Variants in KMT5A observed in about 807,000 individuals in gnomAD.
KMT5A encodes the protein N-lysine methyltransferase KMT5A.
A neutral mutation model predicts 40.6 loss-of-function variants in KMT5A; 6 were observed. The ratio of observed to expected loss-of-function variants is 0.15; its 90% CI spans 0.08 to 0.29. The LOEUF (loss-of-function observed/expected upper bound fraction) is 0.29. KMT5A is among the 10% of genes least tolerant of loss of function. The pLI, the probability that KMT5A is intolerant of heterozygous loss-of-function variation, is 1.00. For synonymous variants in KMT5A, 153 were observed against 178.8 expected (o/e 0.86, Z 1.15); for missense variants, 308 against 459.1 (o/e 0.67, Z 3.01).
chr12:123,396,224 T>C (rs1593464430), intron 4 of KMT5A, 121 bp from the exon 5 acceptor site: 2 of 846,452 alleles, frequency 2.4e-6, no homozygotes, highest in Admixed American at 2.2e-5. Context: ...TGGACAAAGG[T>C]GTTTAAGTGA....
intron 1 of KMT5A, chr12:123,389,152 G>A (rs1323854754): frequency 3.4e-4 from 2 of 5,914 alleles, no homozygotes; most frequent in Non-Finnish European, 7.3e-4. Flanking sequence ...AGGGCGCGGG[G>A]CGCGCCGCCA....
intron 7 of KMT5A, among the ~76,000 whole-genome samples, chr12:123,405,892 T>G (rs1878514825): frequency 6.6e-6 from 1 of 151,942 alleles, no homozygotes. Flanking sequence ...CAATCTTGGC[T>G]TACTGCAACC....
intron 7 of KMT5A, among the ~76,000 whole-genome samples, chr12:123,405,971 C>T (rs912867713): frequency 6.6e-6 from 1 of 152,154 alleles, no homozygotes; most frequent in Non-Finnish European, 1.5e-5. Flanking sequence ...ACACACATGC[C>T]ACCATGCCTG....
intron 4 of KMT5A, among the ~76,000 whole-genome samples, chr12:123,395,976 G>A (rs1386955971): frequency 6.6e-6 from 1 of 152,170 alleles, no homozygotes; most frequent in Non-Finnish European, 1.5e-5. Flanking sequence ...CTCCCGAGTA[G>A]TTGGGACCAT....
chr12:123,389,537 A>G lies in KMT5A; in HGVS notation c.115A>G (p.Arg39Gly). The G allele has an allele frequency of 1.8e-6, 2 of 1,098,952 alleles. No individual in the cohort carries two copies. Among genetic ancestry groups the G allele is most frequent in the Middle Eastern group, 4.0e-4 (1 of 2,478 alleles). 68.1% of individuals were successfully genotyped at this position (1,098,952 alleles called of 1,614,324 possible). A position where few individuals can be genotyped will look rare whatever the true frequency, so the allele number is the denominator to read the frequency against. ...PEMVERRGPG[R>G]PRTDGENVFT... ...GATGGTGGAGCGGAGGGGCCCGGGGAGGCCCCGCACCGACGGGGTAAGCAG... is the reference window on the plus strand; with the variant it reads ...GATGGTGGAGCGGAGGGGCCCGGGGGGGCCCCGCACCGACGGGGTAAGCAG... Residue 39 changes from arginine to glycine, a missense_variant, in exon 2 of 8, where the codon AGG becomes GGG. Arg to Gly is a moderately radical substitution (Grantham distance 125). This residue lies in a region of KMT5A where 92 missense variants were observed against 78.3 expected (regional missense o/e 1.18). Transcript: ENST00000402868.
At chr12:123,389,223 CGCGGGGCCTGGCCGGGCCGGGCGGCGG>C (rs1369366308) in intron 1 of KMT5A, 183 bp from the exon 2 acceptor site, 2 of 139,458 alleles carry the variant, frequency 1.4e-5, no homozygotes, top group Non-Finnish European at 3.1e-5. Context: ...GCGGGCGGCG[CGCGGGGCCTGGCCGGGCCGGGCGGCGG>C]GAGGGCGACG....
chr12:123,399,790 C>T (rs1878011610), intron 5 of KMT5A, among the ~76,000 whole-genome samples: 1 of 152,176 alleles, frequency 6.6e-6, no homozygotes, highest in African/African-American at 2.4e-5. Context: ...CCAACCTGGG[C>T]AACATTGTGA....
chr12:123,384,332 A>G lies in KMT5A; in HGVS notation c.10+124A>G, dbSNP rs1566069671. The G allele has an allele frequency of 2.2e-6, 3 of 1,355,226 alleles. No homozygotes were observed. The highest frequency in any genetic ancestry group is 3.0e-6 in the Non-Finnish European group (3 of 988,006). The allele number at this position is 1,355,226 out of a possible 1,614,324, so 84.0% of individuals were successfully genotyped here. ...CGGGTGGCTCGGGGCAAGCTTGGGG[A>G]CCCGCGTGGGGGGAGAGGGGGTGCT... On this transcript the variant is annotated intron_variant, in intron 1 of 7. Transcript: ENST00000402868. This position sits in a 1 kb window ranked among gnomAD's most constrained non-coding sequence, Gnocchi z 5.7.
At chr12:123,386,806 T>C (rs553825211) in intron 1 of KMT5A, among the ~76,000 whole-genome samples, 1 of 152,284 alleles carries the variant, frequency 6.6e-6, no homozygotes, top group South Asian at 2.1e-4. Context: ...TTTTGCCATC[T>C]TCAGTTCATT....
intron 5 of KMT5A, among the ~76,000 whole-genome samples, chr12:123,397,953 G>A (rs1040457670): frequency 6.6e-6 from 1 of 150,860 alleles, no homozygotes; most frequent in African/African-American, 2.4e-5. Context: ...GATTACAGAC[G>A]TGAGCCACCG....
intron 7 of KMT5A, among the ~76,000 whole-genome samples, 175 bp from the exon 8 acceptor site, chr12:123,407,318 T>G (rs28406193): frequency 0.73 from 110,451 of 152,050 alleles, 41,388 homozygotes; most frequent in East Asian, 1. Context: ...CAGCCTGGGT[T>G]ACGGAGCGAG....
At chr12:123,407,244 TAGG>T (rs1183728838) in intron 7 of KMT5A, among the ~76,000 whole-genome samples, 4 of 143,096 alleles carry the variant, frequency 2.8e-5, no homozygotes, top group Non-Finnish European at 6.1e-5. Flanking sequence ...GAGGCTGAGG[TAGG>T]AGGATGACTT....
chr12:123,389,309 G>A (rs1306608058), intron 1 of KMT5A, 124 bp from the exon 2 acceptor site: 1 of 572,446 alleles, frequency 1.7e-6, no homozygotes, highest in Non-Finnish European at 2.2e-6. Context: ...CACCAGAGCC[G>A]GGGCCTCGAA....
rs1047406168 is a variant in KMT5A, at chr12:123,404,329, C to G, written c.658-555C>G. ...CTTCCACCCACCACCTAGGGGGATT[C>G]CGGCTTAAGTCCTGGGCCCCTCCAG... On this transcript the variant is annotated intron_variant, in intron 6 of 7. Transcript: ENST00000402868. 1.9e-4 allele frequency among the ~76,000 whole-genome samples: 29 copies of G among 152,264 alleles called. 1 individual carries two copies. Among genetic ancestry groups the G allele is most frequent in the Middle Eastern group, 3.4e-3 (1 of 294 alleles).
rs1878164064 is a variant in KMT5A at position 123,401,423 on chromosome 12, C to T, written c.598-2150C>T. On this transcript the variant is annotated intron_variant, in intron 5 of 7. Coordinates refer to ENST00000402868, the MANE Select transcript of KMT5A (RefSeq NM_020382.7). ...TCGGCCTCCCAAAGTGCTGGGATAA[C>T]AGGTGTATATCTTTCTTTTTTTTTT... Among the ~76,000 whole-genome samples the T allele has an allele frequency of 7.3e-5, 11 of 151,350 alleles. No homozygotes were observed. In the South Asian group the frequency reaches 2.3e-3, roughly 32 times the overall value.
intron 5 of KMT5A, among the ~76,000 whole-genome samples, chr12:123,402,943 G>A (rs1201584203): frequency 6.6e-6 from 1 of 152,148 alleles, no homozygotes; most frequent in Non-Finnish European, 1.5e-5. Context: ...GAGTCTTGCT[G>A]TGTCGCCCAG....
At chr12:123,398,748 G>T (rs1877933489) in intron 5 of KMT5A, among the ~76,000 whole-genome samples, 1 of 152,212 alleles carries the variant, frequency 6.6e-6, no homozygotes, top group Admixed American at 6.5e-5. Context: ...AATATTTTCT[G>T]ACTGCACAGA....
chr12:123,403,781 A>C (rs1878348454), intron 6 of KMT5A, 149 bp downstream of exon 6: 1 of 768,960 alleles, frequency 1.3e-6, no homozygotes, highest in Non-Finnish European at 2.2e-6. Flanking sequence ...CAAAGAGCCA[A>C]ATACCAAAAG....
At chr12:123,403,536 G>A (rs750846735) in intron 5 of KMT5A, 37 bp from the exon 6 acceptor site, 3 of 1,611,894 alleles carry the variant, frequency 1.9e-6, no homozygotes, top group Non-Finnish European at 2.5e-6. Context: ...GGGCCTAGGA[G>A]AAGATACTGA....
Sources: gnomAD v4.1 joint callset for allele counts (sites outside exome capture counted in the v4.1 genomes callset) on GRCh38, gnomAD v4.1.1 for gene constraint, gnomAD v4.1.1 regional missense constraint, Gnocchi (gnomAD v3.1) non-coding constraint, MANE v1.5 for transcripts, NCBI Gene and HGNC (gene_info 2026-07-23, HGNC 2026-07-21) for gene names.